ZEB1: variants seen among roughly 807,000 people sequenced by gnomAD.
The protein encoded by ZEB1 is zinc finger E-box-binding homeobox 1.
In ZEB1, 21 loss-of-function variants were observed where a neutral mutation model predicts 84.9. The observed-to-expected ratio is 0.25, with a 90% CI of 0.18 to 0.36. ZEB1 has a LOEUF of 0.36. Ranked by LOEUF, ZEB1 falls within the 10% of genes least tolerant of loss-of-function variation. The pLI is 1.00. For missense variants in ZEB1, 1,104 were observed against 1,330.2 expected, an observed-to-expected ratio of 0.83 and a Z score of 2.65; for synonymous variants, 420 against 471.1, an observed-to-expected ratio of 0.89 and a Z score of 1.41.
intron 1 of ZEB1, chr10:31,363,155 T>C: frequency 6.5e-7 from 1 of 1,533,888 alleles, no homozygotes; most frequent in South Asian, 1.2e-5. Flanking sequence ...TTGGGCTGCA[T>C]GTCCTCCCCC....
chr10:31,397,537 A>G (rs117875996), intron 1 of ZEB1, among the ~76,000 whole-genome samples: 186 of 152,210 alleles, frequency 1.2e-3, no homozygotes, highest in Non-Finnish European at 2.2e-3. Context: ...AGAATTTTCA[A>G]TGTGTCCAGC....
chr10:31,392,226 A>G (rs1258806461), intron 1 of ZEB1, among the ~76,000 whole-genome samples: 4 of 152,192 alleles, frequency 2.6e-5, no homozygotes, highest in Non-Finnish European at 5.9e-5. Flanking sequence ...TCTTGAAGAT[A>G]GATTAAAAAG....
chr10:31,449,203 G>T (rs1403866823), intron 1 of ZEB1, among the ~76,000 whole-genome samples: 10 of 152,226 alleles, frequency 6.6e-5, no homozygotes, highest in Admixed American at 6.5e-4. Flanking sequence ...CCCTTTCTTT[G>T]ACTCGGAAAG....
chr10:31,429,813 G>A (rs991116069), intron 1 of ZEB1, among the ~76,000 whole-genome samples: 23 of 132,450 alleles, frequency 1.7e-4, no homozygotes, highest in Middle Eastern at 4.8e-3. Flanking sequence ...GCATAATCTC[G>A]GCTCACTGTA....
intron 3 of ZEB1, among the ~76,000 whole-genome samples, chr10:31,499,428 T>C (rs1210109990): frequency 6.6e-6 from 1 of 152,142 alleles, no homozygotes; most frequent in Non-Finnish European, 1.5e-5. Context: ...TCTGGAAAAT[T>C]TCCAATAACC....
intron 1 of ZEB1, among the ~76,000 whole-genome samples, chr10:31,423,070 A>G (rs1171600133): frequency 6.6e-6 from 1 of 152,018 alleles, no homozygotes. Context: ...ATATATATAA[A>G]TGTATATATA....
chr10:31,368,915 A>G (rs1184141985), intron 1 of ZEB1, among the ~76,000 whole-genome samples: 1 of 152,176 alleles, frequency 6.6e-6, no homozygotes, highest in Non-Finnish European at 1.5e-5. Context: ...GACTTTTGAA[A>G]CCAGTTGAAC....
chr10:31,427,701 C>CA (rs2057141844), intron 1 of ZEB1, among the ~76,000 whole-genome samples: 1 of 151,434 alleles, frequency 6.6e-6, no homozygotes, highest in Non-Finnish European at 1.5e-5. Flanking sequence ...AAAATACAAA[C>CA]AAAAAAAATT....
At chr10:31,481,571 C>G (rs1423177411) in intron 2 of ZEB1, among the ~76,000 whole-genome samples, 1 of 151,864 alleles carries the variant, frequency 6.6e-6, no homozygotes, top group Non-Finnish European at 1.5e-5. Flanking sequence ...GCTTTGTAAT[C>G]CCAACTACTC....
chr10:31,395,392 A>G (rs903937921), intron 1 of ZEB1, among the ~76,000 whole-genome samples: 2 of 152,180 alleles, frequency 1.3e-5, no homozygotes, highest in East Asian at 1.9e-4. Flanking sequence ...CTTCCTAGGT[A>G]TATGATATGA....
At chr10:31,322,807 C>A (rs546697523) in intron 1 of ZEB1, among the ~76,000 whole-genome samples, 1 of 149,268 alleles carries the variant, frequency 6.7e-6, no homozygotes, top group South Asian at 2.1e-4. Flanking sequence ...CTGATTAATT[C>A]TCTTTAGATG....
chr10:31,358,686 G>T (rs1377360237), intron 1 of ZEB1: 1 of 152,000 alleles, frequency 6.6e-6, no homozygotes, highest in East Asian at 1.9e-4. Context: ...AAGCAAAAAA[G>T]AAATACTTAT....
intron 1 of ZEB1, among the ~76,000 whole-genome samples, chr10:31,455,333 A>G (rs1246717241): frequency 1.3e-5 from 2 of 152,298 alleles, no homozygotes; most frequent in African/African-American, 2.4e-5. Flanking sequence ...TGAGTAATCC[A>G]TTCAGGTCAT....
chr10:31,494,498 T>C (rs1051077876), intron 2 of ZEB1, among the ~76,000 whole-genome samples: 1 of 152,026 alleles, frequency 6.6e-6, no homozygotes, highest in African/African-American at 2.4e-5. Flanking sequence ...ATACATGCTA[T>C]AATGGGATGC....
chr10:31,340,233 C>T (rs753233083), intron 1 of ZEB1, among the ~76,000 whole-genome samples: 22 of 151,992 alleles, frequency 1.4e-4, no homozygotes, highest in Non-Finnish European at 2.9e-4. Flanking sequence ...AGTGTTGTTT[C>T]TCCCTTTCCA....
chr10:31,460,874 A>G (rs989759074), intron 1 of ZEB1, among the ~76,000 whole-genome samples, 163 bp from the exon 2 acceptor site: 2 of 152,164 alleles, frequency 1.3e-5, no homozygotes, highest in Non-Finnish European at 2.9e-5. Context: ...TGTAATATCT[A>G]GTGTTACATA....
intron 1 of ZEB1, among the ~76,000 whole-genome samples, chr10:31,424,254 C>G (rs2056632095): frequency 6.6e-6 from 1 of 151,816 alleles, no homozygotes; most frequent in Non-Finnish European, 1.5e-5. Flanking sequence ...TTTTTGCAGA[C>G]TAGTCTTTTC....
chr10:31,415,415 G>A lies in ZEB1; in HGVS notation c.59-45622G>A, dbSNP rs368273989. ...TGTGTGTGTGGTGGTAAGGTTTTGG[G>A]AGAAGCCATTATCTATGGGTGGTGG... On this transcript the variant is annotated intron_variant, in intron 1 of 8. Transcript: ENST00000424869. Among the ~76,000 whole-genome samples, 37 of 152,086 alleles carry A rather than the reference G, an allele frequency of 2.4e-4. 1 individual carries two copies. The highest frequency in any genetic ancestry group is 8.2e-4 in the African/African-American group (34 of 41,510).
chr10:31,429,560 G>C (rs1472106933), intron 1 of ZEB1, among the ~76,000 whole-genome samples: 1 of 151,834 alleles, frequency 6.6e-6, no homozygotes, highest in African/African-American at 2.4e-5. Flanking sequence ...GAGAGGATCA[G>C]AAGAAATAAC....
Sources: gnomAD v4.1 joint callset for allele counts (sites outside exome capture counted in the v4.1 genomes callset) on GRCh38, gnomAD v4.1.1 for gene constraint, MANE v1.5 for transcripts, NCBI Gene and HGNC (gene_info 2026-07-23, HGNC 2026-07-21) for gene names.